Variants in APBA1 observed in about 807,000 individuals in gnomAD.
APBA1 encodes the protein amyloid-beta A4 precursor protein-binding family A member 1.
A neutral mutation model predicts 86.6 loss-of-function variants in APBA1; 55 were observed. The ratio of observed to expected loss-of-function variants is 0.64; its 90% CI spans 0.51 to 0.80. The LOEUF (loss-of-function observed/expected upper bound fraction) is 0.80, where lower values mean the gene tolerates loss of function less well. Among genes scored for constraint, APBA1 ranks in the 30% least tolerant of loss-of-function variants. APBA1 has a pLI of 0.00. For synonymous variants in APBA1, 511 were observed against 493.9 expected, an observed-to-expected ratio of 1.03 and a Z score of -0.46; for missense variants, 1,090 against 1,183.0, an observed-to-expected ratio of 0.92 and a Z score of 1.15.
In APBA1 at chr9:69,644,924, G is replaced by C. The variant is rs868606422; in HGVS notation, c.-70+27229C>G. Among the ~76,000 whole-genome samples the C allele has an allele frequency of 1.7e-4, 26 of 152,240 alleles. 1 individual carries two copies. The highest frequency in any genetic ancestry group is 1.2e-3 in the South Asian group (6 of 4,816). On this transcript the variant is annotated intron_variant, in intron 1 of 12. Transcript: ENST00000265381. ...CAGGGTAGAAGATGATTATGGCCTAGATAGGGCTCTGGAAACAGAGACTGC... is the reference window on the plus strand; with the variant it reads ...CAGGGTAGAAGATGATTATGGCCTACATAGGGCTCTGGAAACAGAGACTGC...
Position 69,467,808 on chromosome 9 carries a change from C to T in APBA1, c.1482+15G>A, listed in dbSNP as rs762568294. On this transcript the variant is annotated intron_variant, in intron 5 of 12. Transcript: ENST00000265381. ...CCAGCCCCCTGTCCCTGTTGGAGCA[C>T]CCAGATGTCCTCACCTTGATCCTGC... 1 of 1,614,070 alleles carries T rather than the reference C, an allele frequency of 6.2e-7. No homozygotes were observed. The highest frequency in any genetic ancestry group is 8.5e-7 in the Non-Finnish European group (1 of 1,179,936).
intron 2 of APBA1, among the ~76,000 whole-genome samples, chr9:69,513,603 G>A (rs951735198): frequency 1.3e-5 from 2 of 152,216 alleles, no homozygotes; most frequent in African/African-American, 4.8e-5. Context: ...AATTCTACAC[G>A]TGAGTGCACT....
intron 2 of APBA1, among the ~76,000 whole-genome samples, chr9:69,487,246 G>A (rs1835626200): frequency 6.6e-6 from 1 of 152,040 alleles, no homozygotes; most frequent in South Asian, 2.1e-4. Context: ...CACACAAAAA[G>A]TGAGTTCTAT....
At chr9:69,641,704 C>T (rs147532461) in intron 1 of APBA1, among the ~76,000 whole-genome samples, 2 of 152,202 alleles carry the variant, frequency 1.3e-5, no homozygotes, top group East Asian at 1.9e-4. Flanking sequence ...AAAAATCAAT[C>T]GTTCTCTCTC....
chr9:69,476,155 C>G lies in APBA1; in HGVS notation c.1201-12G>C. 2 of 1,596,380 alleles carry G rather than the reference C, an allele frequency of 1.3e-6. No homozygotes were observed. Among genetic ancestry groups the G allele is most frequent in the East Asian group, 2.2e-5 (1 of 44,784 alleles). ...CCAGGAGACGGAGACTAGAACACAG[C>G]AAGAGGAAACACAGTGAGAACTTGA... is the stretch of plus-strand genomic sequence containing the variant. On this transcript the variant is annotated splice_polypyrimidine_tract_variant and intron_variant, in intron 2 of 12. Transcript: ENST00000265381.
At chr9:69,484,048 A>C (rs1835568208) in intron 2 of APBA1, among the ~76,000 whole-genome samples, 2 of 152,028 alleles carry the variant, frequency 1.3e-5, no homozygotes, top group South Asian at 4.2e-4. Context: ...TTTTCCCCCA[A>C]GTAATTTTCT....
At chr9:69,562,145 C>T (rs1836955808) in intron 1 of APBA1, among the ~76,000 whole-genome samples, 1 of 152,024 alleles carries the variant, frequency 6.6e-6, no homozygotes, top group Non-Finnish European at 1.5e-5. Context: ...GCTTAATTAT[C>T]CTGATTTTAT....
chr9:69,663,093 G>A (rs969461647), intron 1 of APBA1, among the ~76,000 whole-genome samples: 3 of 152,196 alleles, frequency 2.0e-5, no homozygotes, highest in Non-Finnish European at 4.4e-5. Context: ...ATACAATACA[G>A]CAGTGTTTTC....
intron 12 of APBA1, among the ~76,000 whole-genome samples, chr9:69,431,860 G>A (rs1426684155): frequency 2.0e-5 from 3 of 152,194 alleles, no homozygotes; most frequent in East Asian, 1.9e-4. Flanking sequence ...CAGCAGTGTT[G>A]ACTGACAGCA....
At chr9:69,605,199 C>T (rs1305278992) in intron 1 of APBA1, among the ~76,000 whole-genome samples, 1 of 152,084 alleles carries the variant, frequency 6.6e-6, no homozygotes, top group Admixed American at 6.6e-5. Flanking sequence ...TAGAATTTTA[C>T]CCCTGTAGAG....
At chr9:69,493,504 TTG>T (rs1393228297) in intron 2 of APBA1, among the ~76,000 whole-genome samples, 1 of 152,046 alleles carries the variant, frequency 6.6e-6, no homozygotes, top group Non-Finnish European at 1.5e-5. Context: ...TCTGCATGCA[TTG>T]TGTTTGTACC....
At chr9:69,630,953 T>C (rs1299228888) in intron 1 of APBA1, among the ~76,000 whole-genome samples, 1 of 152,204 alleles carries the variant, frequency 6.6e-6, no homozygotes, top group Admixed American at 6.5e-5. Context: ...CTGTCAGGGC[T>C]TATGCTTTTT....
intron 1 of APBA1, among the ~76,000 whole-genome samples, chr9:69,653,466 C>T (rs909720554): frequency 3.3e-5 from 5 of 152,184 alleles, no homozygotes; most frequent in African/African-American, 1.2e-4. Context: ...ATGGACCTAA[C>T]AAACATTTAC....
chr9:69,580,525 A>T (rs1468835203), intron 1 of APBA1, among the ~76,000 whole-genome samples: 24 of 152,162 alleles, frequency 1.6e-4, no homozygotes, highest in Admixed American at 1.5e-3. Context: ...GCCCGTGTCA[A>T]CAAATCCTAT....
chr9:69,457,180 T>C, intron 6 of APBA1, 41 bp from the exon 7 acceptor site: 2 of 1,487,886 alleles, frequency 1.3e-6, no homozygotes, highest in Non-Finnish European at 1.9e-6. Context: ...TTGACCACAC[T>C]ACCCTGACCC....
At chr9:69,495,149 C>A (rs1251742189) in intron 2 of APBA1, among the ~76,000 whole-genome samples, 1 of 152,068 alleles carries the variant, frequency 6.6e-6, no homozygotes, top group African/African-American at 2.4e-5. Flanking sequence ...CTTGGACTTC[C>A]AAGCCCCAGG....
At chr9:69,533,284 G>C (rs1477550576) in intron 1 of APBA1, among the ~76,000 whole-genome samples, 1 of 152,114 alleles carries the variant, frequency 6.6e-6, no homozygotes, top group Non-Finnish European at 1.5e-5. Context: ...CAGTAGATTG[G>C]GGACTGGGAT....
At chr9:69,663,884 A>G (rs955275324) in intron 1 of APBA1, among the ~76,000 whole-genome samples, 48 of 152,220 alleles carry the variant, frequency 3.2e-4, no homozygotes, top group African/African-American at 1.1e-3. Flanking sequence ...TGCCTTATGT[A>G]TAAATGCTTA....
At chr9:69,513,994 A>T (rs1160941203) in intron 2 of APBA1, among the ~76,000 whole-genome samples, 1 of 152,228 alleles carries the variant, frequency 6.6e-6, no homozygotes, top group African/African-American at 2.4e-5. Context: ...ATTCAAGAGT[A>T]TGGAAAGGGA....
Sources: gnomAD v4.1 joint callset for allele counts (sites outside exome capture counted in the v4.1 genomes callset) on GRCh38, gnomAD v4.1.1 for gene constraint, MANE v1.5 for transcripts, NCBI Gene and HGNC (gene_info 2026-07-23, HGNC 2026-07-21) for gene names.